TRIP4: variants seen among roughly 807,000 people sequenced by gnomAD.
The protein encoded by TRIP4 is activating signal cointegrator 1.
A neutral mutation model predicts 81.8 loss-of-function variants in TRIP4; 54 were observed. That is an observed-to-expected ratio of 0.66 (90% CI 0.53 to 0.83). The LOEUF is 0.83. Ranked by LOEUF, TRIP4 falls within the 40% of genes least tolerant of loss-of-function variation. The pLI is 0.00. For missense variants in TRIP4, 662 were observed against 683.6 expected (o/e 0.97, Z 0.35); for synonymous variants, 270 against 242.8 (o/e 1.11, Z -1.04).
intron 11 of TRIP4, among the ~76,000 whole-genome samples, chr15:64,442,695 G>A (rs1436015199): frequency 2.0e-5 from 3 of 151,696 alleles, no homozygotes; most frequent in Non-Finnish European, 4.4e-5. Flanking sequence ...GATCAATTAA[G>A]ATGAGAACTG....
chr15:64,432,667 C>T (rs1809293896), intron 11 of TRIP4, among the ~76,000 whole-genome samples: 1 of 150,950 alleles, frequency 6.6e-6, no homozygotes, highest in African/African-American at 2.4e-5. Flanking sequence ...ATCCCAGCAG[C>T]TTGGGAGGCC....
intron 5 of TRIP4, among the ~76,000 whole-genome samples, chr15:64,401,204 G>A (rs1163308877): frequency 6.0e-5 from 9 of 150,758 alleles, no homozygotes; most frequent in Admixed American, 2.7e-4. Context: ...CGCTGATCTC[G>A]GCTCACTACA....
At chr15:64,451,953 C>CAAAAAAAAA (rs35984161) in intron 12 of TRIP4, among the ~76,000 whole-genome samples, 2 of 137,470 alleles carry the variant, frequency 1.5e-5, no homozygotes, top group African/African-American at 2.7e-5. Context: ...GTGCCCGGCC[C>CAAAAAAAAA]AAAAAAAAAA....
chr15:64,395,309 A>G (rs984434140), intron 2 of TRIP4, 89 bp from the exon 3 acceptor site: 5 of 1,110,730 alleles, frequency 4.5e-6, no homozygotes, highest in Non-Finnish European at 6.1e-6. Context: ...AATATTAAGC[A>G]TCACCTTAGT....
At chr15:64,408,528 G>A (rs911140613) in intron 6 of TRIP4, among the ~76,000 whole-genome samples, 6 of 42,544 alleles carry the variant, frequency 1.4e-4, no homozygotes, top group African/African-American at 1.8e-4. Context: ...CAAAGTGTTG[G>A]GATTACAGGT....
At chr15:64,421,238 C>T (rs1175492145) in intron 9 of TRIP4, among the ~76,000 whole-genome samples, 1 of 149,884 alleles carries the variant, frequency 6.7e-6, no homozygotes, top group Non-Finnish European at 1.5e-5. Flanking sequence ...GCCAAGATTG[C>T]ATCATTGCAC....
At chr15:64,420,644 C>G (rs1171367498) in intron 9 of TRIP4, among the ~76,000 whole-genome samples, 1 of 151,958 alleles carries the variant, frequency 6.6e-6, no homozygotes, top group Non-Finnish European at 1.5e-5. Flanking sequence ...CTGCCTCAGC[C>G]TCCTGAGTAG....
At chr15:64,416,637 C>T (rs1891896548) in intron 8 of TRIP4, among the ~76,000 whole-genome samples, 1 of 152,080 alleles carries the variant, frequency 6.6e-6, no homozygotes, top group Admixed American at 6.6e-5. Flanking sequence ...TCTGTAAAAA[C>T]TTCTATCTCC....
rs189611809 is a variant in TRIP4, at chr15:64,406,549, G to A, written c.827+90G>A. 3.4e-6 allele frequency: 5 copies of A among 1,475,036 alleles called. No homozygotes were observed. The East Asian group carries it at 1.2e-4, about 35-fold the overall frequency. The allele number at this position is 1,475,036 out of a possible 1,614,324, so 91.4% of individuals were successfully genotyped here. ...TTGGTACTTGATACCTTCTCAAAGT[G>A]GAGTGTGAAAGAGTTTATAGCAAAA... is the stretch of plus-strand genomic sequence containing the variant. On this transcript the variant is annotated intron_variant, in intron 6 of 12. Transcript: ENST00000261884.
chr15:64,451,905 G>A (rs1286618885), intron 12 of TRIP4, among the ~76,000 whole-genome samples: 3 of 150,112 alleles, frequency 2.0e-5, no homozygotes, highest in Non-Finnish European at 3.0e-5. Context: ...TGCCTGTCTC[G>A]GCCTCCCAAA....
chr15:64,393,317 T>C (rs1446922172), intron 1 of TRIP4: 7 of 120,252 alleles, frequency 5.8e-5, no homozygotes, highest in Admixed American at 1.7e-4. Flanking sequence ...ACCCGCCTAA[T>C]TTTTTTTTGT....
intron 1 of TRIP4, among the ~76,000 whole-genome samples, chr15:64,389,977 C>T (rs1226824902): frequency 6.7e-6 from 1 of 149,872 alleles, no homozygotes; most frequent in African/African-American, 2.4e-5. Flanking sequence ...GCTGGGATTA[C>T]AGGCATGAGC....
intron 6 of TRIP4, among the ~76,000 whole-genome samples, chr15:64,407,582 G>A (rs997355303): frequency 7.9e-5 from 12 of 152,172 alleles, no homozygotes; most frequent in African/African-American, 2.9e-4. Flanking sequence ...CAGGAGAATG[G>A]CATGAACCCA....
chr15:64,396,573 C>T (rs1900301984), intron 3 of TRIP4, among the ~76,000 whole-genome samples: 1 of 152,140 alleles, frequency 6.6e-6, no homozygotes, highest in South Asian at 2.1e-4. Context: ...GCAACTGTGC[C>T]CAGCCAGTGT....
At chr15:64,395,360 CTG>C (rs548731841) in intron 2 of TRIP4, 36 bp from the exon 3 acceptor site, 85 of 1,517,722 alleles carry the variant, frequency 5.6e-5, no homozygotes, top group South Asian at 6.3e-5. Context: ...TCTTATCAAT[CTG>C]TGTGTGTGTG....
chr15:64,392,132 A>T (rs1038013671), intron 1 of TRIP4, among the ~76,000 whole-genome samples: 5 of 149,976 alleles, frequency 3.3e-5, no homozygotes, highest in African/African-American at 1.2e-4. Flanking sequence ...CAAAAACAAA[A>T]CAAAACAAAA....
intron 7 of TRIP4, among the ~76,000 whole-genome samples, chr15:64,413,097 A>G (rs961496040): frequency 6.6e-6 from 1 of 152,124 alleles, no homozygotes; most frequent in Non-Finnish European, 1.5e-5. Context: ...GAAGGAGTGG[A>G]GAAAGGACTG....
chr15:64,435,582 TTAAG>T (rs1892374823), intron 11 of TRIP4, among the ~76,000 whole-genome samples: 1 of 150,814 alleles, frequency 6.6e-6, no homozygotes, highest in South Asian at 2.1e-4. Context: ...CATACATTCA[TTAAG>T]TATTTATTAA....
intron 11 of TRIP4, among the ~76,000 whole-genome samples, chr15:64,436,923 G>C (rs1217932824): frequency 6.6e-6 from 1 of 151,250 alleles, no homozygotes; most frequent in Non-Finnish European, 1.5e-5. Context: ...TGGCCAGGAT[G>C]GTCTCCATCT....
Sources: gnomAD v4.1 joint callset for allele counts (sites outside exome capture counted in the v4.1 genomes callset) on GRCh38, gnomAD v4.1.1 for gene constraint, MANE v1.5 for transcripts, NCBI Gene and HGNC (gene_info 2026-07-23, HGNC 2026-07-21) for gene names.